The following FGF12 variants were observed in gnomAD, a reference collection of about 807,000 sequenced individuals.
The protein encoded by FGF12 is fibroblast growth factor 12B.
A neutral mutation model predicts 23.6 loss-of-function variants in FGF12; 14 were observed. The ratio of observed to expected loss-of-function variants is 0.59; its 90% confidence interval spans 0.39 to 0.93. FGF12 has a LOEUF of 0.93. Ranked by LOEUF, FGF12 falls within the 40% of genes least tolerant of loss-of-function variation. The pLI, the probability that FGF12 is intolerant of heterozygous loss-of-function variation, is 0.00. For missense variants in FGF12, 175 were observed against 217.8 expected, an observed-to-expected ratio of 0.80 and a Z score of 1.24; for synonymous variants, 62 against 77.3, an observed-to-expected ratio of 0.80 and a Z score of 1.04.
At chr3:192,334,147 G>T (rs1388516357) in intron 4 of FGF12, among the ~76,000 whole-genome samples, 1 of 152,074 alleles carries the variant, frequency 6.6e-6, no homozygotes, top group Non-Finnish European at 1.5e-5. Context: ...CCGAGCTTAG[G>T]CAGATAAGGG....
At chr3:192,214,420 G>T (rs977131609) in intron 4 of FGF12, among the ~76,000 whole-genome samples, 6 of 152,134 alleles carry the variant, frequency 3.9e-5, no homozygotes, top group African/African-American at 1.4e-4. Context: ...TGTTCTCCTG[G>T]GGGAGGTAAT....
At chr3:192,262,978 T>C (rs570500482) in intron 4 of FGF12, among the ~76,000 whole-genome samples, 6 of 152,190 alleles carry the variant, frequency 3.9e-5, no homozygotes, top group Middle Eastern at 6.8e-3. Flanking sequence ...AAAGGCATAA[T>C]ACCTCAAAAT....
At chr3:192,217,141 T>C (rs1401946797) in intron 4 of FGF12, among the ~76,000 whole-genome samples, 1 of 152,134 alleles carries the variant, frequency 6.6e-6, no homozygotes, top group Admixed American at 6.5e-5. Flanking sequence ...ACTGTGCAAG[T>C]CAATTAACCA....
intron 2 of FGF12, among the ~76,000 whole-genome samples, chr3:192,629,115 G>T (rs1244020831): frequency 6.6e-6 from 1 of 152,180 alleles, no homozygotes. Flanking sequence ...ATGAGGTTTA[G>T]AATCTAGGAA....
At chr3:192,696,602 G>T (rs972715298) in intron 2 of FGF12, among the ~76,000 whole-genome samples, 4 of 152,144 alleles carry the variant, frequency 2.6e-5, no homozygotes, top group African/African-American at 9.7e-5. Flanking sequence ...TGGGTATGAA[G>T]CCTGACTTCA....
intron 2 of FGF12, among the ~76,000 whole-genome samples, chr3:192,591,659 C>G (rs1025656822): frequency 1.3e-5 from 2 of 151,896 alleles, no homozygotes; most frequent in East Asian, 3.9e-4. Flanking sequence ...TAGTACCCAA[C>G]ATAAGCAAGG....
intron 4 of FGF12, among the ~76,000 whole-genome samples, chr3:192,291,935 G>A (rs1714778636): frequency 6.6e-6 from 1 of 152,188 alleles, no homozygotes; most frequent in South Asian, 2.1e-4. Flanking sequence ...AACAATACGT[G>A]TATCAAATTG....
chr3:192,256,429 T>C (rs1229990004), intron 4 of FGF12, among the ~76,000 whole-genome samples: 2 of 151,644 alleles, frequency 1.3e-5, no homozygotes, highest in Non-Finnish European at 2.9e-5. Flanking sequence ...TGTATAGATA[T>C]TTACATATTT....
intron 2 of FGF12, among the ~76,000 whole-genome samples, chr3:192,457,539 C>T (rs1025074610): frequency 3.3e-5 from 5 of 152,076 alleles, no homozygotes; most frequent in Non-Finnish European, 5.9e-5. Context: ...CATTTTGCCC[C>T]CATCCTAGAA....
intron 2 of FGF12, among the ~76,000 whole-genome samples, chr3:192,415,142 C>T (rs1018453581): frequency 1.3e-5 from 2 of 152,102 alleles, no homozygotes; most frequent in East Asian, 1.9e-4. Flanking sequence ...TTGGCTTATA[C>T]CACCTAGGAG....
At chr3:192,393,193 G>GT (rs759333106) in intron 2 of FGF12, among the ~76,000 whole-genome samples, 1 of 152,172 alleles carries the variant, frequency 6.6e-6, no homozygotes, top group Non-Finnish European at 1.5e-5. Flanking sequence ...ACATCTACGT[G>GT]TCAAGCAATA....
At chr3:192,349,902 T>C (rs1034255037) in intron 3 of FGF12, among the ~76,000 whole-genome samples, 1 of 152,146 alleles carries the variant, frequency 6.6e-6, no homozygotes, top group Non-Finnish European at 1.5e-5. Context: ...CAACAAATAC[T>C]GAATACCTAA....
intron 4 of FGF12, among the ~76,000 whole-genome samples, chr3:192,245,512 A>T (rs139773326): frequency 8.7e-4 from 133 of 152,260 alleles, no homozygotes; most frequent in Middle Eastern, 3.4e-3. Flanking sequence ...CATCAGAAAT[A>T]TTTAATCAGG....
At chr3:192,352,826 T>C (rs1424269123) in intron 3 of FGF12, among the ~76,000 whole-genome samples, 1 of 152,170 alleles carries the variant, frequency 6.6e-6, no homozygotes, top group African/African-American at 2.4e-5. Flanking sequence ...GCAAAGAATC[T>C]CAAGTCAGAT....
At chr3:192,650,383 T>G (rs1716173144) in intron 2 of FGF12, among the ~76,000 whole-genome samples, 4 of 152,226 alleles carry the variant, frequency 2.6e-5, no homozygotes, top group African/African-American at 9.6e-5. Context: ...GCACCTGCTA[T>G]TTCCACTACT....
At chr3:192,311,969 C>CTATCTA (rs1560064573) in intron 4 of FGF12, among the ~76,000 whole-genome samples, 2 of 151,402 alleles carry the variant, frequency 1.3e-5, no homozygotes, top group Non-Finnish European at 2.9e-5. Flanking sequence ...ATCTATCTAT[C>CTATCTA]TATCTATCTG....
intron 2 of FGF12, among the ~76,000 whole-genome samples, chr3:192,511,010 G>GT (rs749917973): frequency 5.3e-5 from 8 of 151,828 alleles, no homozygotes; most frequent in East Asian, 3.9e-4. Context: ...GATCGTTGAG[G>GT]TTTTTTTTGC....
chr3:192,512,835 AATATATATATAT>A (rs773570110), intron 2 of FGF12, among the ~76,000 whole-genome samples: 4 of 76,778 alleles, frequency 5.2e-5, no homozygotes, highest in African/African-American at 2.6e-4. Flanking sequence ...TACTCAAATA[AATATATATATAT>A]ATATATATAT....
intron 4 of FGF12, among the ~76,000 whole-genome samples, chr3:192,224,811 G>A (rs756551459): frequency 1.3e-5 from 2 of 152,090 alleles, no homozygotes; most frequent in African/African-American, 2.4e-5. Context: ...AGAGTAGTTC[G>A]AGTTGCCATT....
Sources: allele counts gnomAD v4.1 joint callset (sites outside exome capture counted in the v4.1 genomes callset), GRCh38; gene constraint gnomAD v4.1.1; transcripts MANE v1.5; gene names NCBI Gene and HGNC (gene_info 2026-07-23, HGNC 2026-07-21).